ATN1: variants seen among roughly 807,000 people sequenced by gnomAD.
ATN1 encodes atrophin 1.
ATN1 carries 19 observed loss-of-function variants against 85.8 expected under a neutral mutation model. The observed-to-expected ratio is 0.22, with a 90% confidence interval of 0.15 to 0.32. ATN1 has a LOEUF of 0.32. ATN1 is among the 10% of genes least tolerant of loss of function. The pLI is 1.00. For synonymous variants in ATN1, 674 were observed against 657.0 expected, an observed-to-expected ratio of 1.03 and a Z score of -0.39; for missense variants, 1,453 against 1,564.5, an observed-to-expected ratio of 0.93 and a Z score of 1.20.
At position 6,936,794 on chromosome 12, in the gene ATN1, C is replaced by G. The variant is rs782235133; in HGVS notation, c.1527C>G (p.Pro509=). ...AGCAGCATCACGGAAACTCTGGGCC[C>G]CCTCCTCCTGGAGCATTTCCCCACC... ...QQQQHHGNSG[P]PPPGAFPHPL... The change falls in exon 5 of 10, where the codon CCC becomes CCG. Residue 509 remains proline (P), a synonymous_variant. Coordinates refer to ENST00000396684, the MANE Select transcript of ATN1 (RefSeq NM_001940.4). The G allele has an allele frequency of 6.2e-7, 1 of 1,609,376 alleles. No individual in the cohort carries two copies. Among genetic ancestry groups the G allele is most frequent in the East Asian group, 2.3e-5 (1 of 44,200 alleles).
At position 6,937,508 on chromosome 12, in the gene ATN1, C is replaced by G. The variant is rs1408956798; in HGVS notation, c.2241C>G (p.Pro747=). ...PESPVPPARS[P]SPPPKVVDVP... ...GCCCGGTGCCCCCAGCCCGCAGCCC[C>G]TCGCCCCCTCCCAAGGTGGTAGATG... Residue 747 remains proline (P), a synonymous_variant, in exon 5 of 10, where the codon CCC becomes CCG. Transcript: ENST00000396684. The surrounding 1 kb of genome is among the most constrained non-coding windows in gnomAD (Gnocchi z 6.0). The G allele has an allele frequency of 4.5e-6, 7 of 1,542,814 alleles. No homozygotes were observed. The South Asian group carries it at 7.1e-5, about 16-fold the overall frequency.
chr12:6,939,871 G>A (rs1945610767), intron 7 of ATN1, among the ~76,000 whole-genome samples: 1 of 152,142 alleles, frequency 6.6e-6, no homozygotes, highest in South Asian at 2.1e-4. Context: ...TTCTCCCTCT[G>A]CGAGGTCTTT....
intron 6 of ATN1, 125 bp downstream of exon 6, chr12:6,938,192 T>C: frequency 7.0e-7 from 1 of 1,433,676 alleles, no homozygotes; most frequent in Non-Finnish European, 9.1e-7. Flanking sequence ...CGTCGCCACC[T>C]GTCGGAGGGG....
intron 7 of ATN1, among the ~76,000 whole-genome samples, chr12:6,939,390 A>G (rs997881572): frequency 2.6e-5 from 4 of 152,178 alleles, no homozygotes; most frequent in Non-Finnish European, 5.9e-5. Flanking sequence ...CCCACAGCCC[A>G]GTTCTCTCCA....
chr12:6,931,787 A>G (rs2138205143), intron 1 of ATN1, among the ~76,000 whole-genome samples: 1 of 151,848 alleles, frequency 6.6e-6, no homozygotes, highest in Non-Finnish European at 1.5e-5. Flanking sequence ...TAATCCCAGC[A>G]CTTGGGAAGG....
rs1260084019 is a variant in ATN1 at position 6,941,164 on chromosome 12, G to A, written c.3358+141G>A. ...GCTGGGCATGGGAATAGGAGAGCTGGAGCTCTGCCCAAGAGAAGCACGAGT... is the reference window on the plus strand; with the variant it reads ...GCTGGGCATGGGAATAGGAGAGCTGAAGCTCTGCCCAAGAGAAGCACGAGT... On this transcript the variant is annotated intron_variant, in intron 8 of 9. Coordinates refer to ENST00000396684, the MANE Select transcript of ATN1 (RefSeq NM_001940.4). The surrounding 1 kb of genome is among the most constrained non-coding windows in gnomAD (Gnocchi z 5.9). The A allele has an allele frequency of 5.6e-6, 7 of 1,257,514 alleles. No homozygotes were observed. Among genetic ancestry groups the A allele is most frequent in the Non-Finnish European group, 7.6e-6 (7 of 922,808 alleles). 77.9% of individuals were successfully genotyped at this position (1,257,514 alleles called of 1,614,324 possible).
chr12:6,935,862 G>C lies in ATN1; in HGVS notation c.595G>C (p.Glu199Gln). 6.2e-7 allele frequency: 1 copy of C among 1,613,788 alleles called. No homozygotes were observed. ...VTPTGYHAPM[E>Q]PPTSRMFQAP... The stretch of plus-strand genomic sequence containing the variant: ...ACCCACTGGATATCATGCTCCCATG[G>C]AGCCCCCCACATCTCGAATGTTCCA... The change falls in exon 5 of 10, where the codon GAG (glutamate) becomes CAG (glutamine). Residue 199 changes from glutamate (E) to glutamine (Q), a missense_variant. Glu to Gln is a conservative substitution (Grantham distance 29). Coordinates refer to ENST00000396684, the MANE Select transcript of ATN1 (RefSeq NM_001940.4). This position sits in a 1 kb window ranked among gnomAD's most constrained non-coding sequence, Gnocchi z 5.3.
At chr12:6,938,203 A>C (rs1591665835) in intron 6 of ATN1, 136 bp downstream of exon 6, 4 of 1,425,168 alleles carry the variant, frequency 2.8e-6, no homozygotes, top group Non-Finnish European at 3.7e-6. Context: ...GTCGGAGGGG[A>C]GGTACCACTG....
At position 6,932,034 on chromosome 12, in the gene ATN1, C is replaced by CAA. The variant is rs34374667; in HGVS notation, c.-162-1780_-162-1779dup. 2.1e-3 allele frequency among the ~76,000 whole-genome samples: 107 copies of CAA among 50,700 alleles called. 6 individuals carry two copies. The highest frequency in any genetic ancestry group is 2.6e-3 in the Admixed American group (10 of 3,902). The allele number at this position is 50,700 out of a possible 152,430, so 33.3% of individuals were successfully genotyped here. On this transcript the variant is annotated intron_variant, in intron 1 of 9. Coordinates refer to ENST00000396684, the MANE Select transcript of ATN1 (RefSeq NM_001940.4). ...GGGCAACAAGAGTGAAACTCTGTCT[C>CAA]AAAAAAAAAAAAAAAAAAAAAAAAA...
Position 6,933,909 on chromosome 12 carries a change from A to G in ATN1, c.-93A>G. The G allele has an allele frequency of 2.0e-6, 3 of 1,496,096 alleles. No individual in the cohort carries two copies. Among genetic ancestry groups the G allele is most frequent in the Non-Finnish European group, 2.7e-6 (3 of 1,097,524 alleles). The allele number at this position is 1,496,096 out of a possible 1,614,324, so 92.7% of individuals were successfully genotyped here. ...TGGAAACTTGGAGATCCTGCTTCCCAGACCACAGCTGTGGGGAACTTGGGG... is the reference window on the plus strand; with the variant it reads ...TGGAAACTTGGAGATCCTGCTTCCCGGACCACAGCTGTGGGGAACTTGGGG... On this transcript the variant is annotated 5_prime_UTR_variant, in exon 2 of 10. Coordinates refer to ENST00000396684, the MANE Select transcript of ATN1 (RefSeq NM_001940.4).
At chr12:6,927,851 G>A (rs782320121), upstream of ATN1, among the ~76,000 whole-genome samples, 8 of 151,734 alleles carry the variant, frequency 5.3e-5, no homozygotes, top group Non-Finnish European at 7.4e-5. Context: ...CCGCAGCCCC[G>A]CGCCGGGTCG....
upstream of ATN1, among the ~76,000 whole-genome samples, chr12:6,925,378 T>C (rs139439223): frequency 3.3e-5 from 5 of 151,476 alleles, no homozygotes; most frequent in East Asian, 9.7e-4. Flanking sequence ...CAAGGCCCAG[T>C]GGGAGACTGA....
intron 1 of ATN1, among the ~76,000 whole-genome samples, chr12:6,929,399 C>G (rs1166091054): frequency 6.6e-6 from 1 of 152,110 alleles, no homozygotes; most frequent in Admixed American, 6.5e-5. Flanking sequence ...CCTTCAAGCT[C>G]CCTTACCTGA....
At chr12:6,926,077 C>T (rs781834100), upstream of ATN1, among the ~76,000 whole-genome samples, 1 of 152,266 alleles carries the variant, frequency 6.6e-6, no homozygotes, top group Non-Finnish European at 1.5e-5. Flanking sequence ...GGTGGGCTGG[C>T]GGAGGTGCTG....
chr12:6,933,470 A>G (rs1442729091), intron 1 of ATN1, among the ~76,000 whole-genome samples: 2 of 152,152 alleles, frequency 1.3e-5, no homozygotes, highest in African/African-American at 4.8e-5. Flanking sequence ...AATTATAGAC[A>G]TGAGCCACCA....
Position 6,936,869 on chromosome 12 carries a change from C to T in ATN1, c.1602C>T (p.Pro534=). Residue 534 remains proline (P), a synonymous_variant, in exon 5 of 10, where the codon CCC becomes CCT. Transcript: ENST00000396684. ...SHHAHPYAMS[P]SLGSLRPYPP... is the part of the protein sequence containing the mutation. Reference sequence around the variant, plus strand: ...ACGCACACCCTTACGCCATGTCTCCCTCCCTGGGGTCTCTGAGGCCCTACC... The same window carrying T: ...ACGCACACCCTTACGCCATGTCTCCTTCCCTGGGGTCTCTGAGGCCCTACC... 6.2e-7 allele frequency: 1 copy of T among 1,614,070 alleles called. No individual in the cohort carries two copies. Among genetic ancestry groups the T allele is most frequent in the Non-Finnish European group, 8.5e-7 (1 of 1,179,984 alleles).
rs781828877 is a variant in ATN1 at position 6,937,425 on chromosome 12, C to T, written c.2158C>T (p.Pro720Ser). ...ACCTGCGGCCCCTGCCTCAGGGCCG[C>T]CCCTGAGCGCCACGCAGATCAAACA... ...PPPAAPASGP[P>S]LSATQIKQEP... Residue 720 changes from proline to serine, a missense_variant, in exon 5 of 10, where the codon CCC becomes TCC. By Grantham distance (74) the Pro-to-Ser change is moderately conservative. This residue lies in a region of ATN1 where 990 missense variants were observed against 914.8 expected (regional missense o/e 1.08). Coordinates refer to ENST00000396684, the MANE Select transcript of ATN1 (RefSeq NM_001940.4). The surrounding 1 kb of genome is among the most constrained non-coding windows in gnomAD (Gnocchi z 6.0). The T allele has an allele frequency of 1.0e-5, 16 of 1,547,500 alleles. No homozygotes were observed. Among genetic ancestry groups the T allele is most frequent in the Admixed American group, 2.0e-5 (1 of 51,096 alleles).
At chr12:6,926,695 A>T (rs1945402139), upstream of ATN1, among the ~76,000 whole-genome samples, 1 of 149,176 alleles carries the variant, frequency 6.7e-6, no homozygotes, top group African/African-American at 2.5e-5. Flanking sequence ...CTGGTCTTGA[A>T]CTCCTGACAA....
At chr12:6,933,153 A>G (rs781785740) in intron 1 of ATN1, among the ~76,000 whole-genome samples, 2 of 152,176 alleles carry the variant, frequency 1.3e-5, no homozygotes, top group South Asian at 2.1e-4. Flanking sequence ...AAATGAAATC[A>G]TGTATGTGAA....
Sources: gnomAD v4.1 joint callset for allele counts (sites outside exome capture counted in the v4.1 genomes callset) on GRCh38, gnomAD v4.1.1 for gene constraint, gnomAD v4.1.1 regional missense constraint, Gnocchi (gnomAD v3.1) non-coding constraint, MANE v1.5 for transcripts, NCBI Gene and HGNC (gene_info 2026-07-23, HGNC 2026-07-21) for gene names.